Variants in ZNF385B observed in about 807,000 individuals in gnomAD.
The protein encoded by ZNF385B is zinc finger protein 533.
Under a neutral mutation model 39.2 loss-of-function variants are expected in ZNF385B, and 23 were observed. The observed-to-expected ratio is 0.59, with a 90% CI of 0.42 to 0.83. ZNF385B has a LOEUF of 0.83. ZNF385B is among the 40% of genes least tolerant of loss of function. The pLI is 0.00. For synonymous variants in ZNF385B, 205 were observed against 222.6 expected (o/e 0.92, Z 0.70); for missense variants, 552 against 598.9 (o/e 0.92, Z 0.82).
At chr2:179,843,307 T>C (rs544536611) in intron 1 of ZNF385B, among the ~76,000 whole-genome samples, 1 of 152,256 alleles carries the variant, frequency 6.6e-6, no homozygotes, top group South Asian at 2.1e-4. Flanking sequence ...GAAGTGTACA[T>C]CTAGAGTAAA....
intron 6 of ZNF385B, among the ~76,000 whole-genome samples, chr2:179,456,213 T>G (rs1373109956): frequency 1.3e-5 from 2 of 152,158 alleles, no homozygotes; most frequent in Non-Finnish European, 2.9e-5. Context: ...ACATGAACTT[T>G]GAAGAAAAAT....
At chr2:179,702,303 A>G (rs1699269139) in intron 3 of ZNF385B, among the ~76,000 whole-genome samples, 1 of 152,202 alleles carries the variant, frequency 6.6e-6, no homozygotes, top group African/African-American at 2.4e-5. Flanking sequence ...AAAACTTGCA[A>G]TTCTGTGATT....
chr2:179,463,417 G>A lies in ZNF385B; in HGVS notation c.716-16647C>T, dbSNP rs545660486. 1.7e-3 allele frequency among the ~76,000 whole-genome samples: 253 copies of A among 151,962 alleles called. 2 individuals carry two copies. The highest frequency in any genetic ancestry group is 2.5e-3 in the Non-Finnish European group (168 of 67,956). Reference sequence around the variant, plus strand: ...TGTGCAGAACGTGCAGTTTTGTTACGTAGGTATACATGTGCCATGGTGGTT... The same window carrying A: ...TGTGCAGAACGTGCAGTTTTGTTACATAGGTATACATGTGCCATGGTGGTT... On this transcript the variant is annotated intron_variant, in intron 6 of 9. Transcript: ENST00000410066.
intron 3 of ZNF385B, among the ~76,000 whole-genome samples, chr2:179,681,664 T>C (rs960165510): frequency 7.2e-5 from 11 of 152,216 alleles, no homozygotes; most frequent in Non-Finnish European, 1.6e-4. Context: ...AAAGAGTTCA[T>C]GTAACTTAAT....
chr2:179,706,723 A>G (rs1699630243), intron 3 of ZNF385B, among the ~76,000 whole-genome samples: 2 of 152,310 alleles, frequency 1.3e-5, no homozygotes, highest in African/African-American at 4.8e-5. Context: ...ACTGTGGTTC[A>G]CTGGCTGTTT....
chr2:179,467,055 A>G (rs934071850), intron 6 of ZNF385B, among the ~76,000 whole-genome samples: 4 of 151,794 alleles, frequency 2.6e-5, no homozygotes, highest in Non-Finnish European at 5.9e-5. Context: ...TTTAGGTAAT[A>G]GATGTGCATT....
At chr2:179,737,801 A>G (rs977868482) in intron 3 of ZNF385B, among the ~76,000 whole-genome samples, 1 of 152,250 alleles carries the variant, frequency 6.6e-6, no homozygotes, top group African/African-American at 2.4e-5. Flanking sequence ...ACAGATAAGG[A>G]AACCGAGACT....
In ZNF385B at chr2:179,688,379, A is replaced by G. The variant is rs143156734; in HGVS notation, c.298+81124T>C. 1.3e-3 allele frequency among the ~76,000 whole-genome samples: 195 copies of G among 152,224 alleles called. 2 individuals are homozygous for G. The highest frequency in any genetic ancestry group is 1.9e-3 in the Non-Finnish European group (128 of 67,996). On this transcript the variant is annotated intron_variant, in intron 3 of 9. Coordinates refer to ENST00000410066, the MANE Select transcript of ZNF385B (RefSeq NM_152520.6). ...CCAGGAGCAGTAGTGCCCATCTGAA[A>G]TCCCAGCTACTTGGGAGGCTGAGGC...
chr2:179,540,067 C>A (rs1027105063), intron 4 of ZNF385B, among the ~76,000 whole-genome samples: 16 of 152,148 alleles, frequency 1.1e-4, no homozygotes, highest in African/African-American at 3.9e-4. Context: ...TAAATACTTG[C>A]CAATATTCAT....
chr2:179,750,169 G>A (rs1280468295), intron 3 of ZNF385B, among the ~76,000 whole-genome samples: 3 of 152,038 alleles, frequency 2.0e-5, no homozygotes, highest in Non-Finnish European at 4.4e-5. Context: ...CATTGAAAAC[G>A]GCTGGAGCTC....
intron 4 of ZNF385B, among the ~76,000 whole-genome samples, chr2:179,541,364 A>T (rs1559440078): frequency 6.6e-6 from 1 of 152,186 alleles, no homozygotes; most frequent in Non-Finnish European, 1.5e-5. Context: ...ATACAATAAG[A>T]TCTCATTTCA....
chr2:179,792,589 G>A (rs1386858972), intron 1 of ZNF385B, among the ~76,000 whole-genome samples: 2 of 143,592 alleles, frequency 1.4e-5, no homozygotes, highest in Non-Finnish European at 3.1e-5. Flanking sequence ...TGGCCAGGCT[G>A]GTCTCAAACT....
At chr2:179,652,523 G>A (rs1693284981) in intron 3 of ZNF385B, among the ~76,000 whole-genome samples, 1 of 152,034 alleles carries the variant, frequency 6.6e-6, no homozygotes. Context: ...CTGCTCGTCT[G>A]AGCAGCCAGG....
At chr2:179,599,288 T>G (rs12693197) in intron 3 of ZNF385B, among the ~76,000 whole-genome samples, 66,665 of 151,996 alleles carry the variant, frequency 0.44, 15,202 homozygotes, top group Middle Eastern at 0.59. Context: ...AAAATCACAG[T>G]TCTATACAAC....
intron 3 of ZNF385B, among the ~76,000 whole-genome samples, chr2:179,546,342 C>T (rs2060233235): frequency 6.6e-6 from 1 of 152,062 alleles, no homozygotes; most frequent in African/African-American, 2.4e-5. Context: ...CAGCCTCTAA[C>T]TATATTTTTG....
intron 6 of ZNF385B, 73 bp from the exon 7 acceptor site, chr2:179,446,843 A>T (rs2049550674): frequency 6.7e-7 from 1 of 1,494,576 alleles, no homozygotes; most frequent in East Asian, 2.3e-5. Flanking sequence ...CCATAGATGA[A>T]TTAAAAATAG....
At chr2:179,535,343 T>C (rs1024933213) in intron 4 of ZNF385B, among the ~76,000 whole-genome samples, 3 of 152,200 alleles carry the variant, frequency 2.0e-5, no homozygotes, top group Non-Finnish European at 2.9e-5. Flanking sequence ...TGGGAATTAT[T>C]GGGTACTTAA....
At chr2:179,644,706 A>T (rs1015925773) in intron 3 of ZNF385B, among the ~76,000 whole-genome samples, 4 of 152,174 alleles carry the variant, frequency 2.6e-5, no homozygotes, top group Admixed American at 2.0e-4. Context: ...AGACTAAAAT[A>T]AAACCTGAAG....
chr2:179,746,390 A>G (rs1251920560), intron 3 of ZNF385B, among the ~76,000 whole-genome samples: 1 of 152,176 alleles, frequency 6.6e-6, no homozygotes, highest in Non-Finnish European at 1.5e-5. Context: ...TATGACAATT[A>G]TAACAAAAAT....
Sources: allele counts gnomAD v4.1 joint callset (sites outside exome capture counted in the v4.1 genomes callset), GRCh38; gene constraint gnomAD v4.1.1; transcripts MANE v1.5; gene names NCBI Gene and HGNC (gene_info 2026-07-23, HGNC 2026-07-21).